The following ZNF541 variants were observed in gnomAD, a reference collection of about 807,000 sequenced individuals.
The protein encoded by ZNF541 is zinc finger protein 541.
Under a neutral mutation model 123.5 loss-of-function variants are expected in ZNF541, and 23 were observed. That is an observed-to-expected ratio of 0.19 (90% CI 0.13 to 0.26). The LOEUF is 0.26. ZNF541 is among the 10% of genes least tolerant of loss of function. The pLI, the probability that ZNF541 is intolerant of heterozygous loss-of-function variation, is 1.00. For synonymous variants in ZNF541, 751 were observed against 754.5 expected, an observed-to-expected ratio of 1.00 and a Z score of 0.08; for missense variants, 1,612 against 1,789.9, an observed-to-expected ratio of 0.90 and a Z score of 1.79.
chr19:47,546,205 GT>G (rs1970349714), intron 4 of ZNF541, among the ~76,000 whole-genome samples: 1 of 97,788 alleles, frequency 1.0e-5, no homozygotes. Flanking sequence ...TTACAGAAAA[GT>G]AAAAAAAAAA....
chr19:47,540,098 G>A (rs1387572303), intron 7 of ZNF541, 78 bp downstream of exon 7: 3 of 1,483,176 alleles, frequency 2.0e-6, no homozygotes, highest in Non-Finnish European at 2.7e-6. Flanking sequence ...CCTGAGATAA[G>A]TGACACCAAT....
chr19:47,527,413 G>A (rs1969347728), intron 14 of ZNF541, among the ~76,000 whole-genome samples: 2 of 152,090 alleles, frequency 1.3e-5, no homozygotes, highest in African/African-American at 4.8e-5. Context: ...TTTTTTCGGG[G>A]TGGTGAGAGT....
intron 7 of ZNF541, 70 bp from the exon 8 acceptor site, chr19:47,539,948 C>CA: frequency 4.0e-6 from 6 of 1,499,558 alleles, no homozygotes; most frequent in East Asian, 5.0e-5. Context: ...GCTGCTTCAG[C>CA]AAAAAAAGCT....
At chr19:47,555,036 G>A (rs1385925194) in intron 3 of ZNF541, among the ~76,000 whole-genome samples, 1 of 149,292 alleles carries the variant, frequency 6.7e-6, no homozygotes, top group Non-Finnish European at 1.5e-5. Flanking sequence ...AGAGGTTGCA[G>A]TGAGCCAAGA....
intron 2 of ZNF541, among the ~76,000 whole-genome samples, chr19:47,565,827 A>G (rs1448396631): frequency 1.3e-5 from 2 of 152,146 alleles, no homozygotes; most frequent in African/African-American, 2.4e-5. Context: ...AATAGTTTTA[A>G]AACAATTTAA....
At chr19:47,523,781 G>A (rs1289418034) in intron 14 of ZNF541, among the ~76,000 whole-genome samples, 2 of 152,310 alleles carry the variant, frequency 1.3e-5, no homozygotes, top group East Asian at 3.9e-4. Context: ...TTAGGGAGCT[G>A]AGGTGGAGCA....
chr19:47,544,366 C>A lies in ZNF541; in HGVS notation c.2163G>T (p.Glu721Asp). 1.3e-6 allele frequency: 2 copies of A among 1,551,692 alleles called. No individual in the cohort carries two copies. Among genetic ancestry groups the A allele is most frequent in the Non-Finnish European group, 1.7e-6 (2 of 1,147,012 alleles). Reference sequence around the variant, plus strand: ...TTGTGATCCTTGAAGCCGCGCCATTCTCGGCTGGGGCCTGCTTCCCTGGCA... The same window carrying A: ...TTGTGATCCTTGAAGCCGCGCCATTATCGGCTGGGGCCTGCTTCCCTGGCA... ...ASLPGKQAPA[E>D]NGAASRITKG... The change falls in exon 5 of 17, where the codon GAG (glutamate) becomes GAT (aspartate). Residue 721 changes from glutamate to aspartate, a missense_variant. By Grantham distance (45) the Glu-to-Asp change is conservative. Coordinates refer to ENST00000391901, the MANE Select transcript of ZNF541 (RefSeq NM_001277075.3).
chr19:47,555,404 C>T, intron 3 of ZNF541, 146 bp downstream of exon 3: 1 of 702,172 alleles, frequency 1.4e-6, no homozygotes, highest in Non-Finnish European at 2.2e-6. Flanking sequence ...GGAATGATTC[C>T]CAAGTAGGAA....
At chr19:47,551,096 G>T (rs1319716825) in intron 3 of ZNF541, among the ~76,000 whole-genome samples, 1 of 150,192 alleles carries the variant, frequency 6.7e-6, no homozygotes, top group East Asian at 1.9e-4. Context: ...TGTTGCCCAG[G>T]CTAGAGGGCA....
At chr19:47,539,297 CTTTTTTTTT>C (rs1001789975) in intron 8 of ZNF541, among the ~76,000 whole-genome samples, 1 of 125,842 alleles carries the variant, frequency 7.9e-6, no homozygotes, top group Non-Finnish European at 1.7e-5. Flanking sequence ...TCAAGATTTT[CTTTTTTTTT>C]TTTTTTTTTT....
intron 2 of ZNF541, among the ~76,000 whole-genome samples, chr19:47,569,333 T>TCG (rs1166795416): frequency 2.0e-5 from 3 of 152,136 alleles, no homozygotes; most frequent in Non-Finnish European, 4.4e-5. Context: ...TTGTATGTCA[T>TCG]CGTATTTAAT....
rs191976779 is a variant in ZNF541 at position 47,568,028 on chromosome 19, T to C, written c.-99+3868A>G. 1.9e-3 allele frequency among the ~76,000 whole-genome samples: 296 copies of C among 152,352 alleles called. 2 individuals are homozygous for C. Among genetic ancestry groups the C allele is most frequent in the African/African-American group, 6.8e-3 (283 of 41,582 alleles). ...TTTCTCCAGACTCTCAGCTCTAGGA[T>C]GGCTGGGACTCGGCCTTAGGTGTCT... On this transcript the variant is annotated intron_variant, in intron 2 of 16. Transcript: ENST00000391901.
chr19:47,543,832 C>G (rs1463381064), intron 5 of ZNF541, among the ~76,000 whole-genome samples: 4 of 151,964 alleles, frequency 2.6e-5, no homozygotes, highest in Admixed American at 2.0e-4. Flanking sequence ...TTGGTAGAGA[C>G]TGGGTTTCGC....
At chr19:47,565,656 A>G (rs1971233964) in intron 2 of ZNF541, among the ~76,000 whole-genome samples, 2 of 152,194 alleles carry the variant, frequency 1.3e-5, no homozygotes, top group South Asian at 4.1e-4. Context: ...TAATTGTTTC[A>G]AGGAGCAGGT....
In ZNF541 at chr19:47,540,967, C is replaced by T; in HGVS notation, c.2404-16G>A. On this transcript the variant is annotated splice_polypyrimidine_tract_variant and intron_variant, in intron 5 of 16. Transcript: ENST00000391901. ...TGTTTCCACCCTGAAGATGAAAATG[C>T]ATCTGAACCAACACATCCAAAATGA... 6.5e-7 allele frequency: 1 copy of T among 1,549,716 alleles called. No individual in the cohort carries two copies. Among genetic ancestry groups the T allele is most frequent in the Non-Finnish European group, 8.7e-7 (1 of 1,146,256 alleles).
intron 7 of ZNF541, 108 bp from the exon 8 acceptor site, chr19:47,539,986 G>C: frequency 6.8e-7 from 1 of 1,472,598 alleles, no homozygotes; most frequent in Non-Finnish European, 9.0e-7. Flanking sequence ...TGAGTCTGTG[G>C]CATGGACCAA....
chr19:47,532,997 T>C, intron 9 of ZNF541, 25 bp from the exon 10 acceptor site: 1 of 1,541,482 alleles, frequency 6.5e-7, no homozygotes, highest in Non-Finnish European at 8.8e-7. Flanking sequence ...GTGAAAAGGC[T>C]CAAGAAGACA....
chr19:47,526,978 G>A (rs1025807928), intron 14 of ZNF541, among the ~76,000 whole-genome samples: 11 of 152,180 alleles, frequency 7.2e-5, no homozygotes, highest in African/African-American at 2.7e-4. Flanking sequence ...CATCCACCCA[G>A]TGGAATACTA....
At chr19:47,572,860 G>A (rs1363744555) in intron 1 of ZNF541, among the ~76,000 whole-genome samples, 1 of 152,132 alleles carries the variant, frequency 6.6e-6, no homozygotes, top group Non-Finnish European at 1.5e-5. Flanking sequence ...GGTGCAGCGG[G>A]GCCCGGAGCT....
Sources: gnomAD v4.1 joint callset for allele counts (sites outside exome capture counted in the v4.1 genomes callset) on GRCh38, gnomAD v4.1.1 for gene constraint, MANE v1.5 for transcripts, NCBI Gene and HGNC (gene_info 2026-07-23, HGNC 2026-07-21) for gene names.